CIB1: variants seen among roughly 807,000 people sequenced by gnomAD.
CIB1 encodes the protein calcium and integrin-binding protein 1.
Under a neutral mutation model 25.0 loss-of-function variants are expected in CIB1, and 19 were observed. That is an observed-to-expected ratio of 0.76 (90% CI 0.53 to 1.12). CIB1 has a LOEUF of 1.12. Among genes scored for constraint, CIB1 ranks in the 50% most tolerant of loss-of-function variants. The pLI, the probability that CIB1 is intolerant of heterozygous loss-of-function variation, is 0.00. For missense variants in CIB1, 236 were observed against 242.6 expected (o/e 0.97, Z 0.18); for synonymous variants, 104 against 98.5 (o/e 1.06, Z -0.33).
intron 2 of CIB1, 142 bp downstream of exon 2, chr15:90,233,527 A>G (rs1962555792): frequency 9.2e-7 from 1 of 1,088,162 alleles, no homozygotes; most frequent in Admixed American, 2.1e-5. Flanking sequence ...AGGAGGGCGC[A>G]GCCCGGGCTA....
At chr15:90,240,813 CAAA>C in the CIB1 span, 1 of 698,520 alleles carries the variant, frequency 1.4e-6, no homozygotes. Flanking sequence ...GACTCCATCT[CAAA>C]AAAAAAAATA....
chr15:90,232,324 G>T lies in CIB1; in HGVS notation c.90C>A (p.Ala30=). ...TFLTKQEILL[A]HRRFCELLPQ... ...GAAGCAGCTCACAAAACCGCCTGTG[G>T]GCTCTGGTAGAGAGAGGGGAACTGT... The change falls in exon 3 of 7, where the codon GCC becomes GCA. Residue 30 remains alanine, a synonymous_variant. Transcript: ENST00000328649. 4.4e-6 allele frequency: 7 copies of T among 1,605,810 alleles called. No individual in the cohort carries two copies. The highest frequency in any genetic ancestry group is 5.1e-6 in the Non-Finnish European group (6 of 1,174,172).
At chr15:90,240,179 C>T in the CIB1 span, among the ~76,000 whole-genome samples, 11 of 151,376 alleles carry the variant, frequency 7.3e-5, no homozygotes, top group South Asian at 8.4e-4. Flanking sequence ...GCCAAGATAG[C>T]GCCATTGCAC....
chr15:90,265,708 T>A, the CIB1 span: 1 of 1,613,276 alleles, frequency 6.2e-7, no homozygotes, highest in Non-Finnish European at 8.5e-7. Context: ...CTGGTTTGCG[T>A]CGACATGGCG....
At chr15:90,236,447 C>T (rs906988426), upstream of CIB1, among the ~76,000 whole-genome samples, 2 of 152,234 alleles carry the variant, frequency 1.3e-5, no homozygotes, top group African/African-American at 2.4e-5. Flanking sequence ...CATGGAACAA[C>T]CTTTGGTTTT....
At chr15:90,262,881 T>G in the CIB1 span, 1 of 1,390,840 alleles carries the variant, frequency 7.2e-7, no homozygotes, top group Non-Finnish European at 9.6e-7. Context: ...GAGGGTAGAG[T>G]GGGCAGGAGG....
At position 90,233,862 on chromosome 15, in the gene CIB1, C is replaced by G; in HGVS notation, c.24G>C (p.Leu8=). Residue 8 remains leucine, a synonymous_variant, in exon 1 of 7, where the codon CTG becomes CTC. Transcript: ENST00000328649. The part of the protein sequence containing the change: MGGSGSR[L]SKELLAEYQD... ...GGTACTCGGCCAGCAGCTCCTTGGACAGGCGACTGCCCGAGCCCCCCATCG... is the reference window on the plus strand; with the variant it reads ...GGTACTCGGCCAGCAGCTCCTTGGAGAGGCGACTGCCCGAGCCCCCCATCG... The G allele has an allele frequency of 2.0e-6, 3 of 1,513,250 alleles. No homozygotes were observed. Among genetic ancestry groups the G allele is most frequent in the Non-Finnish European group, 2.7e-6 (3 of 1,131,402 alleles). The allele number at this position is 1,513,250 out of a possible 1,614,324, so 93.7% of individuals were successfully genotyped here.
At chr15:90,235,758 C>T (rs1962621973), upstream of CIB1, among the ~76,000 whole-genome samples, 3 of 151,862 alleles carry the variant, frequency 2.0e-5, no homozygotes, top group South Asian at 4.2e-4. Flanking sequence ...TTGGTAGAGA[C>T]GGGGTTTCAC....
the CIB1 span, chr15:90,256,237 C>T: frequency 1.4e-5 from 23 of 1,614,050 alleles, no homozygotes; most frequent in South Asian, 2.4e-4. Flanking sequence ...TCTTCATTAC[C>T]CGAAATCCCC....
chr15:90,234,028 G>T, upstream of CIB1: 1 of 977,538 alleles, frequency 1.0e-6, no homozygotes, highest in Non-Finnish European at 1.4e-6. Context: ...CCTCCTAAAA[G>T]CTGCCAGGCG....
chr15:90,245,703 T>C, the CIB1 span: 2 of 152,294 alleles, frequency 1.3e-5, no homozygotes, highest in South Asian at 4.1e-4. Flanking sequence ...ATATCAGGAT[T>C]TTCCCAGTTT....
the CIB1 span, chr15:90,262,328 A>T: frequency 8.7e-7 from 1 of 1,152,722 alleles, no homozygotes. Flanking sequence ...ACTCTTAGTG[A>T]CTCTTTTCAG....
chr15:90,265,741 G>C, the CIB1 span: 3 of 1,613,330 alleles, frequency 1.9e-6, no homozygotes, highest in Middle Eastern at 1.7e-4. Context: ...CTCTTGCTGG[G>C]CGGGCGCGTT....
At chr15:90,264,716 G>A in the CIB1 span, 44 of 1,535,674 alleles carry the variant, frequency 2.9e-5, no homozygotes, top group Middle Eastern at 1.7e-4. Context: ...TGTTTCCACT[G>A]CAGAAGGACA....
chr15:90,260,100 T>C, the CIB1 span, among the ~76,000 whole-genome samples: 1 of 152,206 alleles, frequency 6.6e-6, no homozygotes, highest in African/African-American at 2.4e-5. Context: ...ACTGTGTACC[T>C]GAGGGTCATG....
the CIB1 span, among the ~76,000 whole-genome samples, chr15:90,239,772 G>C: frequency 6.6e-6 from 1 of 152,182 alleles, no homozygotes; most frequent in Admixed American, 6.5e-5. Flanking sequence ...GCAATGGTGC[G>C]ATCTCGGCAG....
chr15:90,258,501 C>A, the CIB1 span: 27 of 615,774 alleles, frequency 4.4e-5, 1 homozygote, highest in South Asian at 4.7e-4. Flanking sequence ...ATCCCCAGTG[C>A]CCTAATGTAA....
Position 90,231,602 on chromosome 15 carries a change from C to G in CIB1, c.196-95G>C, listed in dbSNP as rs74037065. The G allele has an allele frequency of 5.8e-3, 8,311 of 1,429,746 alleles. 305 individuals are homozygous for G. The African/African-American group carries it at 0.09, about 16-fold the overall frequency. 88.6% of individuals were successfully genotyped at this position (1,429,746 alleles called of 1,614,324 possible). A position where few individuals can be genotyped will look rare whatever the true frequency, so the allele number is the denominator to read the frequency against. On this transcript the variant is annotated intron_variant, in intron 3 of 6. Coordinates refer to ENST00000328649, the MANE Select transcript of CIB1 (RefSeq NM_006384.4). ...GAGCAGGTCACAGGACCAGCACCAG[C>G]GAGCTCAGCCTCGTGGGGGTGAACA...
chr15:90,250,826 A>G, the CIB1 span: 2 of 1,614,220 alleles, frequency 1.2e-6, no homozygotes, highest in Admixed American at 1.7e-5. Flanking sequence ...GAAGAAAGTC[A>G]TAGCCCCAGT....
Sources: allele counts gnomAD v4.1 joint callset (sites outside exome capture counted in the v4.1 genomes callset), GRCh38; gene constraint gnomAD v4.1.1; transcripts MANE v1.5; gene names NCBI Gene and HGNC (gene_info 2026-07-23, HGNC 2026-07-21).